The following SLC9B2 variants were observed in gnomAD, a reference collection of about 807,000 sequenced individuals.
SLC9B2 encodes solute carrier family 9 member B2.
In SLC9B2, 39 loss-of-function variants were observed where a neutral mutation model predicts 52.2. The observed-to-expected ratio is 0.75, with a 90% CI of 0.58 to 0.98. The LOEUF is 0.98. SLC9B2 is among the 50% of genes least tolerant of loss of function. SLC9B2 has a pLI of 0.00. For missense variants in SLC9B2, 626 were observed against 637.5 expected (o/e 0.98, Z 0.19); for synonymous variants, 214 against 227.0 (o/e 0.94, Z 0.51).
In SLC9B2 at chr4:103,050,306, A is replaced by C. The variant is rs1302502252; in HGVS notation, c.519T>G (p.Ser173=). The C allele has an allele frequency of 1.2e-6, 2 of 1,610,152 alleles. No individual in the cohort carries two copies. The highest frequency in any genetic ancestry group is 1.7e-6 in the Non-Finnish European group (2 of 1,178,350). Residue 173 remains serine, a synonymous_variant, in exon 5 of 12, where the codon TCT becomes TCG. Transcript: ENST00000394785. ...NDNVQIKHKW[S]SSLRSIALSI... ...ACAGGGCTATGCTTCTCAAAGAGGA[A>C]GACCACTTGTGCTTGATCTGCACAT...
At chr4:103,042,380 AC>A (rs1487385696) in intron 9 of SLC9B2, 1 of 152,148 alleles carries the variant, frequency 6.6e-6, no homozygotes, top group Non-Finnish European at 1.5e-5. Flanking sequence ...GTTCAAATCT[AC>A]AAAAATGAAT....
intron 9 of SLC9B2, among the ~76,000 whole-genome samples, chr4:103,032,668 G>A (rs951618858): frequency 3.9e-5 from 6 of 152,096 alleles, no homozygotes; most frequent in Non-Finnish European, 8.8e-5. Flanking sequence ...CAGTATCAGG[G>A]TCCTACAATT....
chr4:103,048,545 G>A (rs1011039666), intron 6 of SLC9B2: 1 of 166,674 alleles, frequency 6.0e-6, no homozygotes, highest in Non-Finnish European at 1.3e-5. Context: ...TAATAGTCTG[G>A]TGACAGGAGG....
chr4:103,067,622 G>T, intron 1 of SLC9B2, 30 bp from the exon 2 acceptor site: 1 of 1,217,256 alleles, frequency 8.2e-7, no homozygotes, highest in Non-Finnish European at 1.2e-6. Context: ...ATATAGAGCA[G>T]TAATTTGAAA....
chr4:103,031,116 A>G (rs1742662992), intron 10 of SLC9B2, among the ~76,000 whole-genome samples: 1 of 152,184 alleles, frequency 6.6e-6, no homozygotes, highest in Non-Finnish European at 1.5e-5. Context: ...CATATGCAAG[A>G]TTCAGAAGGA....
chr4:103,033,459 A>C (rs1742877245), intron 9 of SLC9B2, among the ~76,000 whole-genome samples: 1 of 152,072 alleles, frequency 6.6e-6, no homozygotes, highest in African/African-American at 2.4e-5. Context: ...AAGAAAAGGC[A>C]TCCAATTAGG....
intron 3 of SLC9B2, 89 bp downstream of exon 3, chr4:103,066,238 C>A: frequency 6.9e-7 from 1 of 1,446,376 alleles, no homozygotes; most frequent in South Asian, 1.4e-5. Flanking sequence ...GAGAAGTGAA[C>A]TTCTTTTTGT....
chr4:103,021,215 C>T (rs1234617274), downstream of SLC9B2, among the ~76,000 whole-genome samples: 4 of 152,090 alleles, frequency 2.6e-5, no homozygotes, highest in Non-Finnish European at 4.4e-5. Context: ...GGAATGGGCT[C>T]CTGGAGAGGT....
chr4:103,057,264 A>ATG (rs1745217079), intron 4 of SLC9B2, among the ~76,000 whole-genome samples: 10 of 148,230 alleles, frequency 6.7e-5, no homozygotes, highest in African/African-American at 2.5e-4. Context: ...ATATATATAT[A>ATG]TATATATATA....
intron 1 of SLC9B2, among the ~76,000 whole-genome samples, chr4:103,068,968 C>T (rs1746385446): frequency 1.3e-5 from 2 of 152,090 alleles, no homozygotes; most frequent in Admixed American, 1.3e-4. Flanking sequence ...CACAACCACC[C>T]CCATTTTTCC....
chr4:103,048,015 G>A (rs1015654457), intron 6 of SLC9B2, among the ~76,000 whole-genome samples: 5 of 152,148 alleles, frequency 3.3e-5, no homozygotes, highest in East Asian at 3.8e-4. Context: ...CATGTTATAA[G>A]GTTTGAAAAT....
chr4:103,063,060 T>C (rs1745810594), intron 3 of SLC9B2, among the ~76,000 whole-genome samples: 1 of 152,256 alleles, frequency 6.6e-6, no homozygotes, highest in Non-Finnish European at 1.5e-5. Context: ...GGCTGCTTTA[T>C]GAACGATTAT....
In SLC9B2 at chr4:103,067,560, T is replaced by C. The variant is rs1220278543; in HGVS notation, c.-10A>G. On this transcript the variant is annotated 5_prime_UTR_variant, in exon 2 of 12. Transcript: ENST00000394785. The stretch of plus-strand genomic sequence containing the variant: ...TATCTTCATCCCCCATTATTTATAA[T>C]TAAGAAGATGACACAGGGAAGAGGA... The C allele has an allele frequency of 6.3e-7, 1 of 1,589,644 alleles. No individual in the cohort carries two copies. Among genetic ancestry groups the C allele is most frequent in the Non-Finnish European group, 8.6e-7 (1 of 1,158,514 alleles).
At chr4:103,074,240 G>C (rs896017325) in intron 1 of SLC9B2, among the ~76,000 whole-genome samples, 3 of 152,164 alleles carry the variant, frequency 2.0e-5, no homozygotes, top group Non-Finnish European at 4.4e-5. Flanking sequence ...GCAACATAGA[G>C]CCCTGATATT....
At chr4:103,058,029 C>CA (rs759086935) in intron 3 of SLC9B2, 58 bp from the exon 4 acceptor site, 2 of 1,416,288 alleles carry the variant, frequency 1.4e-6, no homozygotes, top group South Asian at 2.6e-5. Flanking sequence ...GAGGTTTTGA[C>CA]AAAATCTAAA....
intron 4 of SLC9B2, among the ~76,000 whole-genome samples, chr4:103,051,433 C>A (rs193269185): frequency 6.6e-6 from 1 of 152,210 alleles, no homozygotes; most frequent in Non-Finnish European, 1.5e-5. Flanking sequence ...AGAAGAGAGA[C>A]AACCTGCTGC....
intron 1 of SLC9B2, among the ~76,000 whole-genome samples, chr4:103,072,829 C>A (rs920257204): frequency 2.0e-5 from 3 of 152,082 alleles, no homozygotes; most frequent in Non-Finnish European, 4.4e-5. Context: ...TGTGTCCCTC[C>A]AAAATTCAGA....
At position 103,076,274 on chromosome 4, in the gene SLC9B2, C is replaced by G. The variant is rs541201931; in HGVS notation, c.-133G>C. On this transcript the variant is annotated 5_prime_UTR_variant, in exon 1 of 12. Transcript: ENST00000394785. ...GCGGCGGAGCCCGGTCTAGCCACCG[C>G]GCTCTGGGGTTCCCGATTCGCGCAT... 1 of 152,444 alleles carries G rather than the reference C, an allele frequency of 6.6e-6. No individual in the cohort carries two copies. Among genetic ancestry groups the G allele is most frequent in the African/African-American group, 2.4e-5 (1 of 41,474 alleles). 9.4% of individuals were successfully genotyped at this position (152,444 alleles called of 1,614,324 possible). A position where few individuals can be genotyped will look rare whatever the true frequency, so the allele number is the denominator to read the frequency against.
In SLC9B2 at chr4:103,043,385, T is replaced by C; in HGVS notation, c.1057A>G (p.Ser353Gly). ...VLGLSVLAVFSSVHFGFPGSG... is the reference protein window; with the variant it reads ...VLGLSVLAVFGSVHFGFPGSG... ...CCAGGGAAACCAAAATGCACACTGC[T>C]GAACACAGCTAGCACAGACAACCCC... Residue 353 changes from serine to glycine, a missense_variant, in exon 9 of 12, where the codon AGC becomes GGC. Physicochemically the swap from Ser to Gly is moderately conservative, Grantham distance 56. Transcript: ENST00000394785. The C allele has an allele frequency of 6.2e-7, 1 of 1,613,926 alleles. No homozygotes were observed. The highest frequency in any genetic ancestry group is 1.1e-5 in the South Asian group (1 of 91,060).
Sources: gnomAD v4.1 joint callset for allele counts (sites outside exome capture counted in the v4.1 genomes callset) on GRCh38, gnomAD v4.1.1 for gene constraint, MANE v1.5 for transcripts, NCBI Gene and HGNC (gene_info 2026-07-23, HGNC 2026-07-21) for gene names.